The following HABP4 variants were observed in gnomAD, a reference collection of about 807,000 sequenced individuals.
HABP4 encodes intracellular hyaluronan-binding protein 4.
In HABP4, 32 loss-of-function variants were observed where a neutral mutation model predicts 44.1. That is an observed-to-expected ratio of 0.73 (90% confidence interval 0.55 to 0.97). The LOEUF (loss-of-function observed/expected upper bound fraction) is 0.97, where lower values mean the gene tolerates loss of function less well. HABP4 is among the 50% of genes least tolerant of loss of function. HABP4 has a pLI of 0.00. For synonymous variants in HABP4, 216 were observed against 218.0 expected, an observed-to-expected ratio of 0.99 and a Z score of 0.08; for missense variants, 503 against 561.9, an observed-to-expected ratio of 0.90 and a Z score of 1.06.
rs1406337002 is a variant in HABP4, at chr9:96,490,823, T to G, written c.*785T>G. 6.6e-6 allele frequency: 1 copy of G among 152,246 alleles called. No individual in the cohort carries two copies. The highest frequency in any genetic ancestry group is 1.5e-5 in the Non-Finnish European group (1 of 68,048). The allele number at this position is 152,246 out of a possible 1,614,324, so 9.4% of individuals were successfully genotyped here. A position where few individuals can be genotyped will look rare whatever the true frequency, so the allele number is the denominator to read the frequency against. ...ACCGCATCCTTTTCTTCCGCAGAAC[T>G]AGAGTCAGAGTTCGGCAGCTGCGTA... On this transcript the variant is annotated 3_prime_UTR_variant, in exon 8 of 8. Transcript: ENST00000375249.
chr9:96,481,651 G>A (rs1171162589), intron 5 of HABP4, among the ~76,000 whole-genome samples: 3 of 151,992 alleles, frequency 2.0e-5, no homozygotes, highest in Non-Finnish European at 4.4e-5. Flanking sequence ...GGAAGCTGAG[G>A]TGGGAGGATC....
rs113704714 is a variant in HABP4 at position 96,461,476 on chromosome 9, C to G, written c.512+2935C>G. On this transcript the variant is annotated intron_variant, in intron 2 of 7. Coordinates refer to ENST00000375249, the MANE Select transcript of HABP4 (RefSeq NM_014282.4). ...TTATTTGGAGCCTAAGGAAAAATTC[C>G]TACTGCATTAAAAACAGTAGTTTAC... Among the ~76,000 whole-genome samples the G allele has an allele frequency of 2.6e-3, 396 of 151,842 alleles. 3 individuals are homozygous for G. The highest frequency in any genetic ancestry group is 9.3e-3 in the African/African-American group (386 of 41,444).
At chr9:96,459,274 C>T (rs967992384) in intron 2 of HABP4, among the ~76,000 whole-genome samples, 2 of 152,158 alleles carry the variant, frequency 1.3e-5, no homozygotes, top group Non-Finnish European at 2.9e-5. Context: ...CCTAGCTCCA[C>T]GGTCAGGTCA....
intron 5 of HABP4, among the ~76,000 whole-genome samples, chr9:96,474,775 C>T (rs1447291567): frequency 6.6e-6 from 1 of 152,108 alleles, no homozygotes; most frequent in Non-Finnish European, 1.5e-5. Flanking sequence ...GGTGTCAGCC[C>T]TGTTTGAATG....
At chr9:96,478,127 G>T (rs1832812366) in intron 5 of HABP4, among the ~76,000 whole-genome samples, 1 of 152,014 alleles carries the variant, frequency 6.6e-6, no homozygotes, top group African/African-American at 2.4e-5. Flanking sequence ...CTATAAAGCT[G>T]CTATGAACAT....
intron 6 of HABP4, among the ~76,000 whole-genome samples, chr9:96,486,984 G>C (rs1272629929): frequency 6.6e-6 from 1 of 151,996 alleles, no homozygotes; most frequent in Non-Finnish European, 1.5e-5. Flanking sequence ...ACAAGGCAAG[G>C]GTTGAGTATT....
intron 7 of HABP4, 121 bp from the exon 8 acceptor site, chr9:96,489,861 C>G: frequency 1.4e-6 from 1 of 739,454 alleles, no homozygotes; most frequent in Non-Finnish European, 2.5e-6. Context: ...CCCCTTCCCA[C>G]TGTGGGTCCT....
At chr9:96,477,765 T>C (rs989517279) in intron 5 of HABP4, among the ~76,000 whole-genome samples, 1 of 152,252 alleles carries the variant, frequency 6.6e-6, no homozygotes, top group Admixed American at 6.5e-5. Flanking sequence ...CAAGCTTTGA[T>C]ATATTTGTAC....
At chr9:96,458,614 T>TTTTC (rs758024766) in intron 2 of HABP4, 73 bp downstream of exon 2, 341 of 1,022,396 alleles carry the variant, frequency 3.3e-4, no homozygotes, top group Non-Finnish European at 4.5e-4. Context: ...TTTCTTTTTC[T>TTTTC]TTTCTTTCTT....
chr9:96,458,331 G>A lies in HABP4; in HGVS notation c.350-48G>A, dbSNP rs184834134. 95 of 1,537,292 alleles carry A rather than the reference G, an allele frequency of 6.2e-5. No homozygotes were observed. The Middle Eastern group carries it at 8.5e-4, about 14-fold the overall frequency. ...TACCTGTAAAGTTTAATAGTGTGCT[G>A]TTGCAGATGTTGTGTTCCAGCTCTC... On this transcript the variant is annotated intron_variant, in intron 1 of 7. Transcript: ENST00000375249.
intron 2 of HABP4, among the ~76,000 whole-genome samples, chr9:96,461,430 G>A (rs1832497062): frequency 6.6e-6 from 1 of 151,936 alleles, no homozygotes; most frequent in South Asian, 2.1e-4. Flanking sequence ...CTAATAGTCT[G>A]TTCTAAGAGT....
chr9:96,457,978 A>G (rs1200928471), intron 1 of HABP4, among the ~76,000 whole-genome samples: 1 of 152,236 alleles, frequency 6.6e-6, no homozygotes, highest in African/African-American at 2.4e-5. Flanking sequence ...TTGGGATTCT[A>G]AAAGTACAGT....
At chr9:96,479,166 CT>C (rs1423508707) in intron 5 of HABP4, among the ~76,000 whole-genome samples, 5 of 152,040 alleles carry the variant, frequency 3.3e-5, no homozygotes, top group African/African-American at 9.7e-5. Flanking sequence ...GGATTTTTAC[CT>C]AGACTGCTTG....
intron 4 of HABP4, 51 bp downstream of exon 4, chr9:96,465,829 C>A (rs1564162491): frequency 1.0e-6 from 1 of 965,394 alleles, no homozygotes; most frequent in East Asian, 2.4e-5. Context: ...GTGGAAATCT[C>A]TGGATCTTTG....
intron 2 of HABP4, among the ~76,000 whole-genome samples, chr9:96,460,922 A>T (rs1832490226): frequency 6.6e-6 from 1 of 152,238 alleles, no homozygotes; most frequent in Non-Finnish European, 1.5e-5. Flanking sequence ...CTAATAATAA[A>T]AACACTCTTA....
In HABP4 at chr9:96,479,469, T is replaced by TAAATA. The variant is rs1416146282; in HGVS notation, c.828-4990_828-4989insTAAAA. On this transcript the variant is annotated intron_variant, in intron 5 of 7. Transcript: ENST00000375249. ...AATTTAAATCTGTTTTATAATTATG[T>TAAATA]AAAATATTTACATGTTTCCAAAGTT... Among the ~76,000 whole-genome samples, 6 of 152,328 alleles carry TAAATA rather than the reference T, an allele frequency of 3.9e-5. No individual in the cohort carries two copies. In the East Asian group the frequency reaches 1.2e-3, roughly 29 times the overall value.
chr9:96,470,030 G>GT (rs1253714788), intron 4 of HABP4, among the ~76,000 whole-genome samples: 1 of 152,146 alleles, frequency 6.6e-6, no homozygotes, highest in Non-Finnish European at 1.5e-5. Context: ...GAAATACTCA[G>GT]TTTTTTGTGG....
At chr9:96,478,656 G>T (rs985715043) in intron 5 of HABP4, among the ~76,000 whole-genome samples, 29 of 140,316 alleles carry the variant, frequency 2.1e-4, no homozygotes, top group Admixed American at 1.2e-3. Context: ...TGTTGTCATC[G>T]TTTTTTTTTT....
chr9:96,490,121 C>CT lies in HABP4; in HGVS notation c.*84dup, dbSNP rs1295876480. On this transcript the variant is annotated 3_prime_UTR_variant, in exon 8 of 8. Transcript: ENST00000375249. ...CCAGCTGGGCCAAGGGAGTCAGACT[C>CT]TAAGAACAATAGATGTTGCTTTTCC... 1 of 845,468 alleles carries CT rather than the reference C, an allele frequency of 1.2e-6. No individual in the cohort carries two copies. Among genetic ancestry groups the CT allele is most frequent in the South Asian group, 1.3e-5 (1 of 74,160 alleles). The allele number at this position is 845,468 out of a possible 1,614,324, so 52.4% of individuals were successfully genotyped here.
Sources: allele counts gnomAD v4.1 joint callset (sites outside exome capture counted in the v4.1 genomes callset), GRCh38; gene constraint gnomAD v4.1.1; transcripts MANE v1.5; gene names NCBI Gene and HGNC (gene_info 2026-07-23, HGNC 2026-07-21).